DCT: variants seen among roughly 807,000 people sequenced by gnomAD.
The protein encoded by DCT is L-dopachrome tautomerase.
A neutral mutation model predicts 53.0 loss-of-function variants in DCT; 47 were observed. The ratio of observed to expected loss-of-function variants is 0.89; its 90% CI spans 0.70 to 1.13. The LOEUF (loss-of-function observed/expected upper bound fraction) is 1.13. Ranked by LOEUF, DCT falls within the 50% of genes most tolerant of loss-of-function variation. The pLI is 0.00. For synonymous variants in DCT, 244 were observed against 237.0 expected (o/e 1.03, Z -0.27); for missense variants, 669 against 637.4 (o/e 1.05, Z -0.53).
At chr13:94,500,155 CT>C in the DCT span, among the ~76,000 whole-genome samples, 1 of 152,176 alleles carries the variant, frequency 6.6e-6, no homozygotes, top group Non-Finnish European at 1.5e-5. Context: ...TCATCAACAT[CT>C]CCCCATTTCC....
the DCT span, among the ~76,000 whole-genome samples, chr13:94,520,102 C>A: frequency 6.6e-6 from 1 of 152,186 alleles, no homozygotes; most frequent in East Asian, 1.9e-4. Flanking sequence ...TATTATACCA[C>A]TTGCTGCAAA....
chr13:94,438,920 A>C lies in DCT; in HGVS notation c.*978T>G. On this transcript the variant is annotated 3_prime_UTR_variant, in exon 8 of 8. Coordinates refer to ENST00000377028, the MANE Select transcript of DCT (RefSeq NM_001922.5). ...AAGCCCAGTGCATTATGTGGGAATA[A>C]TTTTTCATCTGAGGCTACCTAGTAA... is the stretch of plus-strand genomic sequence containing the variant. 1 of 211,842 alleles carries C rather than the reference A, an allele frequency of 4.7e-6. No individual in the cohort carries two copies. The highest frequency in any genetic ancestry group is 9.7e-6 in the Non-Finnish European group (1 of 103,624). 13.1% of individuals were successfully genotyped at this position (211,842 alleles called of 1,614,324 possible).
the DCT span, among the ~76,000 whole-genome samples, chr13:94,506,240 C>G: frequency 6.6e-6 from 1 of 152,144 alleles, no homozygotes; most frequent in Non-Finnish European, 1.5e-5. Flanking sequence ...GGTCATCTAG[C>G]CCCAGCTCTT....
At chr13:94,505,795 T>A in the DCT span, among the ~76,000 whole-genome samples, 9 of 152,328 alleles carry the variant, frequency 5.9e-5, no homozygotes, top group East Asian at 1.3e-3. Context: ...AGCTGCCTTG[T>A]TGAAGAGACC....
At chr13:94,456,417 G>A (rs936400482) in intron 6 of DCT, among the ~76,000 whole-genome samples, 2 of 151,998 alleles carry the variant, frequency 1.3e-5, no homozygotes, top group African/African-American at 4.8e-5. Context: ...CCTGGGTTGA[G>A]TAACAATAAT....
At chr13:94,445,888 G>A (rs1318564321) in intron 6 of DCT, 3 of 644,264 alleles carry the variant, frequency 4.7e-6, no homozygotes, top group Non-Finnish European at 8.1e-6. Flanking sequence ...AAACTGTGGG[G>A]GGGCGGGGTG....
chr13:94,463,510 G>A (rs542461611), intron 4 of DCT, among the ~76,000 whole-genome samples: 107 of 151,324 alleles, frequency 7.1e-4, no homozygotes, highest in Non-Finnish European at 1.2e-3. Context: ...GGCTGGTCTC[G>A]AACTCCTGAC....
chr13:94,484,610 C>A (rs1021943683), upstream of DCT, among the ~76,000 whole-genome samples: 7 of 152,174 alleles, frequency 4.6e-5, no homozygotes, highest in African/African-American at 1.7e-4. Context: ...GGGTTGGATT[C>A]GTCTGTCAAG....
At chr13:94,539,619 G>T in the DCT span, among the ~76,000 whole-genome samples, 1 of 152,038 alleles carries the variant, frequency 6.6e-6, no homozygotes, top group Non-Finnish European at 1.5e-5. Context: ...TAAAATAATT[G>T]TTCCTGGGAT....
intron 1 of DCT, among the ~76,000 whole-genome samples, chr13:94,470,819 T>A (rs756431017): frequency 1.3e-5 from 2 of 152,194 alleles, no homozygotes; most frequent in Non-Finnish European, 2.9e-5. Flanking sequence ...ACCTCATACA[T>A]CCCCTTTCTT....
the DCT span, among the ~76,000 whole-genome samples, chr13:94,486,243 T>G: frequency 6.6e-6 from 1 of 152,220 alleles, no homozygotes; most frequent in Non-Finnish European, 1.5e-5. Flanking sequence ...TCTTATCTCC[T>G]ACTCCATGCC....
chr13:94,462,017 T>C lies in DCT; in HGVS notation c.1036A>G (p.Ser346Gly). 6.2e-7 allele frequency: 1 copy of C among 1,613,192 alleles called. No homozygotes were observed. Among genetic ancestry groups the C allele is most frequent in the Non-Finnish European group, 8.5e-7 (1 of 1,179,808 alleles). Residue 346 changes from serine (S) to glycine (G), a missense_variant, in exon 5 of 8, where the codon AGT (serine) becomes GGT (glycine). Ser to Gly is a moderately conservative substitution (Grantham distance 56, BLOSUM62 0). Coordinates refer to ENST00000377028, the MANE Select transcript of DCT (RefSeq NM_001922.5). Reference protein sequence around the residue: ...NPPFFQNSTFSFRNALEGFDK... With the variant: ...NPPFFQNSTFGFRNALEGFDK... The stretch of plus-strand genomic sequence containing the variant: ...AGAGCTCAGAGCACCCACCTGAAAC[T>C]GAAGGTAGAGTTCTGGAAGAAGGGA...
chr13:94,444,452 A>T (rs1324463097), intron 6 of DCT: 7 of 506,922 alleles, frequency 1.4e-5, no homozygotes, highest in Non-Finnish European at 2.7e-5. Flanking sequence ...AAGGTAATGT[A>T]CAAAGTGCTC....
chr13:94,476,824 C>A (rs1477254123), intron 1 of DCT, among the ~76,000 whole-genome samples: 1 of 152,078 alleles, frequency 6.6e-6, no homozygotes, highest in African/African-American at 2.4e-5. Flanking sequence ...GGGTTTTGAA[C>A]AAAGAAGTTA....
At chr13:94,549,076 G>C in the DCT span, among the ~76,000 whole-genome samples, 1 of 152,198 alleles carries the variant, frequency 6.6e-6, no homozygotes, top group East Asian at 1.9e-4. Flanking sequence ...TTCACCGGTG[G>C]GCAAGTAACC....
the DCT span, among the ~76,000 whole-genome samples, chr13:94,494,881 T>G: frequency 0.3 from 45,847 of 152,022 alleles, 7,139 homozygotes; most frequent in Non-Finnish European, 0.35. Context: ...TTCATATGAT[T>G]TTGAAGGGTT....
chr13:94,534,663 A>G, the DCT span, among the ~76,000 whole-genome samples: 581 of 152,352 alleles, frequency 3.8e-3, 3 homozygotes, highest in African/African-American at 0.014. Flanking sequence ...AGCACAGGCT[A>G]AATCAAGTTT....
At chr13:94,521,477 C>T in the DCT span, among the ~76,000 whole-genome samples, 1 of 152,310 alleles carries the variant, frequency 6.6e-6, no homozygotes, top group South Asian at 2.1e-4. Context: ...TCGAGACCAG[C>T]CTACCAATGG....
chr13:94,510,945 T>C, the DCT span, among the ~76,000 whole-genome samples: 1 of 152,332 alleles, frequency 6.6e-6, no homozygotes, highest in Admixed American at 6.5e-5. Context: ...CTGCACATTC[T>C]ACTTCCTAAA....
Sources: gnomAD v4.1 joint callset for allele counts (sites outside exome capture counted in the v4.1 genomes callset) on GRCh38, gnomAD v4.1.1 for gene constraint, MANE v1.5 for transcripts, NCBI Gene and HGNC (gene_info 2026-07-23, HGNC 2026-07-21) for gene names.